Variants in AGBL4 observed in about 807,000 individuals in gnomAD.
AGBL4 encodes the protein AGBL carboxypeptidase 4.
AGBL4 carries 58 observed loss-of-function variants against 66.4 expected under a neutral mutation model. The ratio of observed to expected loss-of-function variants is 0.87; its 90% CI spans 0.71 to 1.09. The LOEUF (loss-of-function observed/expected upper bound fraction) is 1.09. AGBL4 is among the 50% of genes least tolerant of loss of function. AGBL4 has a pLI of 0.00. For synonymous variants in AGBL4, 234 were observed against 222.9 expected (o/e 1.05, Z -0.44); for missense variants, 579 against 631.0 (o/e 0.92, Z 0.88).
chr1:49,869,837 T>C (rs557006703), intron 1 of AGBL4, among the ~76,000 whole-genome samples: 1 of 152,266 alleles, frequency 6.6e-6, no homozygotes, highest in East Asian at 1.9e-4. Context: ...GATAAGGGGA[T>C]GAAGAGAGGT....
intron 3 of AGBL4, among the ~76,000 whole-genome samples, chr1:49,380,419 C>A (rs1232708941): frequency 3.9e-5 from 6 of 152,040 alleles, no homozygotes; most frequent in Admixed American, 3.9e-4. Context: ...GCCATACTGC[C>A]CAAGATAATT....
At chr1:49,703,860 C>G (rs1647149577) in intron 2 of AGBL4, among the ~76,000 whole-genome samples, 1 of 151,644 alleles carries the variant, frequency 6.6e-6, no homozygotes, top group Non-Finnish European at 1.5e-5. Flanking sequence ...ACTACTTGAG[C>G]CAATAAATAA....
At chr1:48,809,973 T>C (rs1646011958) in intron 6 of AGBL4, among the ~76,000 whole-genome samples, 1 of 152,172 alleles carries the variant, frequency 6.6e-6, no homozygotes, top group African/African-American at 2.4e-5. Context: ...CCCTATATTA[T>C]GTTAAGTGCA....
rs369663656 is a variant in AGBL4, at chr1:48,668,921, T to C, written c.635-5680A>G. On this transcript the variant is annotated intron_variant, in intron 6 of 13. Coordinates refer to ENST00000371839, the MANE Select transcript of AGBL4 (RefSeq NM_032785.4). ...TTTCCTGGAGGCAGCGGAGAAGCAC[T>C]AAATGCATTTGGGTAGATATGTGAC... is the stretch of plus-strand genomic sequence containing the variant. 4.6e-5 allele frequency among the ~76,000 whole-genome samples: 7 copies of C among 152,358 alleles called. 1 individual carries two copies. The highest frequency in any genetic ancestry group is 3.3e-4 in the Admixed American group (5 of 15,306).
intron 11 of AGBL4, among the ~76,000 whole-genome samples, chr1:48,565,475 T>C (rs1347180513): frequency 6.6e-6 from 1 of 152,196 alleles, no homozygotes; most frequent in African/African-American, 2.4e-5. Flanking sequence ...GAGTCAGGCC[T>C]TGGTAAGGCA....
At chr1:48,696,462 A>C (rs560922903) in intron 6 of AGBL4, among the ~76,000 whole-genome samples, 1 of 152,210 alleles carries the variant, frequency 6.6e-6, no homozygotes, top group Non-Finnish European at 1.5e-5. Context: ...TTACCATACA[A>C]AAAGGGAAAT....
intron 1 of AGBL4, among the ~76,000 whole-genome samples, chr1:49,975,214 G>C (rs1658456866): frequency 6.6e-6 from 1 of 152,138 alleles, no homozygotes; most frequent in African/African-American, 2.4e-5. Flanking sequence ...TGCAAAATCA[G>C]TGGCAGTTAT....
At chr1:49,715,448 T>C (rs1002014449) in intron 2 of AGBL4, among the ~76,000 whole-genome samples, 5 of 152,154 alleles carry the variant, frequency 3.3e-5, no homozygotes, top group South Asian at 2.1e-4. Flanking sequence ...GTCTTAATAG[T>C]AGAATGATTT....
intron 7 of AGBL4, among the ~76,000 whole-genome samples, chr1:48,660,203 T>C (rs1447055621): frequency 6.6e-6 from 1 of 152,118 alleles, no homozygotes; most frequent in Non-Finnish European, 1.5e-5. Context: ...AGCAGAGTCT[T>C]GAGGAATCTG....
chr1:49,422,599 T>C (rs368984409), intron 3 of AGBL4, among the ~76,000 whole-genome samples: 19 of 152,342 alleles, frequency 1.2e-4, no homozygotes, highest in African/African-American at 4.6e-4. Context: ...AATCTAGATG[T>C]AAGTCCTTTG....
chr1:48,638,680 C>A (rs967387023), intron 8 of AGBL4, among the ~76,000 whole-genome samples: 1 of 152,186 alleles, frequency 6.6e-6, no homozygotes, highest in Admixed American at 6.5e-5. Flanking sequence ...GGCTATAGGA[C>A]AAGATGTAAT....
In AGBL4 at chr1:49,611,191, C is replaced by T. The variant is rs544557583; in HGVS notation, c.282+86122G>A. Among the ~76,000 whole-genome samples the T allele has an allele frequency of 9.2e-5, 14 of 152,230 alleles. No individual in the cohort carries two copies. In the South Asian group the frequency reaches 2.9e-3, roughly 32 times the overall value. On this transcript the variant is annotated intron_variant, in intron 3 of 13. Transcript: ENST00000371839. ...CCCACCCTGTTATCTCCTCCTAGTG[C>T]CTCTCATTGGCACTCAACTGTAAGC...
At chr1:49,937,051 A>G (rs1044124446) in intron 1 of AGBL4, among the ~76,000 whole-genome samples, 4 of 152,160 alleles carry the variant, frequency 2.6e-5, no homozygotes, top group South Asian at 4.1e-4. Flanking sequence ...TGGCAAATTG[A>G]ATAAAGAGTC....
At chr1:49,774,941 C>T (rs550667642) in intron 2 of AGBL4, among the ~76,000 whole-genome samples, 1 of 151,956 alleles carries the variant, frequency 6.6e-6, no homozygotes, top group African/African-American at 2.4e-5. Context: ...ATTTAAATAT[C>T]TTTTATAATA....
intron 3 of AGBL4, among the ~76,000 whole-genome samples, chr1:49,595,263 G>A (rs367564956): frequency 2.0e-5 from 3 of 151,948 alleles, no homozygotes; most frequent in East Asian, 1.9e-4. Context: ...CAATTTTTTT[G>A]TATTTTTAGT....
intron 3 of AGBL4, among the ~76,000 whole-genome samples, chr1:49,294,289 T>G (rs1197909655): frequency 6.6e-6 from 1 of 152,206 alleles, no homozygotes; most frequent in East Asian, 1.9e-4. Flanking sequence ...TTTGGAAACT[T>G]CAGAAATCCA....
At chr1:48,965,491 A>T (rs1177897507) in intron 5 of AGBL4, among the ~76,000 whole-genome samples, 1 of 152,182 alleles carries the variant, frequency 6.6e-6, no homozygotes, top group Non-Finnish European at 1.5e-5. Flanking sequence ...CCCAGGAAGG[A>T]GCAGAGGAAT....
At chr1:50,006,958 C>T (rs1661173553) in intron 1 of AGBL4, among the ~76,000 whole-genome samples, 1 of 152,166 alleles carries the variant, frequency 6.6e-6, no homozygotes, top group Non-Finnish European at 1.5e-5. Context: ...ACACAAACTA[C>T]TCCTATCTTG....
intron 3 of AGBL4, among the ~76,000 whole-genome samples, chr1:49,618,337 G>A (rs1645289229): frequency 6.6e-6 from 1 of 152,110 alleles, no homozygotes; most frequent in Non-Finnish European, 1.5e-5. Context: ...CTTTACAGGA[G>A]AATGATGTAT....
Sources: gnomAD v4.1 joint callset for allele counts (sites outside exome capture counted in the v4.1 genomes callset) on GRCh38, gnomAD v4.1.1 for gene constraint, MANE v1.5 for transcripts, NCBI Gene and HGNC (gene_info 2026-07-23, HGNC 2026-07-21) for gene names.